Variants in GRM5 observed in about 807,000 individuals in gnomAD.
The protein encoded by GRM5 is metabotropic glutamate receptor 5.
GRM5 carries 19 observed loss-of-function variants against 83.1 expected under a neutral mutation model. The ratio of observed to expected loss-of-function variants is 0.23; its 90% CI spans 0.16 to 0.34. The LOEUF (loss-of-function observed/expected upper bound fraction) is 0.34, where lower values mean the gene tolerates loss of function less well. Ranked by LOEUF, GRM5 falls within the 10% of genes least tolerant of loss-of-function variation. The probability of loss-of-function intolerance (pLI) is 1.00; values close to 1 mark genes in which losing one functional copy is unlikely to be tolerated. For synonymous variants in GRM5, 675 were observed against 633.6 expected, an observed-to-expected ratio of 1.07 and a Z score of -0.98; for missense variants, 1,160 against 1,588.3, an observed-to-expected ratio of 0.73 and a Z score of 4.58.
intron 2 of GRM5, among the ~76,000 whole-genome samples, chr11:88,993,285 A>T (rs1228331616): frequency 1.4e-5 from 2 of 143,744 alleles, no homozygotes; most frequent in South Asian, 2.2e-4. Context: ...AAAAAAAAAG[A>T]CAAGTGTCCA....
At chr11:88,537,674 TTCTA>T (rs1942166778) in intron 8 of GRM5, among the ~76,000 whole-genome samples, 1 of 152,168 alleles carries the variant, frequency 6.6e-6, no homozygotes, top group African/African-American at 2.4e-5. Flanking sequence ...TCTCTCAACC[TTCTA>T]TCTATCTATA....
At chr11:88,977,337 T>C (rs1939375226) in intron 2 of GRM5, among the ~76,000 whole-genome samples, 1 of 152,102 alleles carries the variant, frequency 6.6e-6, no homozygotes, top group East Asian at 1.9e-4. Flanking sequence ...TTCAGCCTCC[T>C]GAGCAGCTGG....
intron 2 of GRM5, among the ~76,000 whole-genome samples, chr11:88,924,640 C>T (rs1281361485): frequency 6.6e-6 from 1 of 151,742 alleles, no homozygotes; most frequent in Admixed American, 6.6e-5. Context: ...CACTAGTTAC[C>T]AGGGACACAG....
chr11:88,739,596 TG>T (rs1941988482), intron 3 of GRM5, among the ~76,000 whole-genome samples: 1 of 152,040 alleles, frequency 6.6e-6, no homozygotes, highest in African/African-American at 2.4e-5. Context: ...GTTTGGATTA[TG>T]GGGGCGGGTT....
chr11:88,533,601 G>A (rs1457495379), intron 8 of GRM5, among the ~76,000 whole-genome samples: 4 of 152,130 alleles, frequency 2.6e-5, no homozygotes, highest in South Asian at 4.1e-4. Flanking sequence ...GTTCTGAACC[G>A]TATGCTTCAC....
chr11:88,810,630 C>T (rs971755385), intron 3 of GRM5, among the ~76,000 whole-genome samples: 4 of 151,942 alleles, frequency 2.6e-5, no homozygotes, highest in Admixed American at 2.0e-4. Flanking sequence ...TACAAACATG[C>T]AGCATAGGAG....
chr11:88,881,099 G>T (rs1459236803), intron 2 of GRM5, among the ~76,000 whole-genome samples: 1 of 151,960 alleles, frequency 6.6e-6, no homozygotes, highest in Non-Finnish European at 1.5e-5. Context: ...TATATAGTCA[G>T]GGGAAGGACA....
At chr11:88,741,609 C>T (rs1942030798) in intron 3 of GRM5, among the ~76,000 whole-genome samples, 1 of 152,086 alleles carries the variant, frequency 6.6e-6, no homozygotes, top group Non-Finnish European at 1.5e-5. Context: ...ATGACCAAGA[C>T]ATAATCTATA....
At chr11:88,645,118 A>G (rs1939403744) in intron 4 of GRM5, among the ~76,000 whole-genome samples, 1 of 152,142 alleles carries the variant, frequency 6.6e-6, no homozygotes, top group African/African-American at 2.4e-5. Flanking sequence ...TTGCCAATGT[A>G]CTTTTACATT....
chr11:88,960,319 AG>A (rs1938743959), intron 2 of GRM5, among the ~76,000 whole-genome samples: 1 of 152,196 alleles, frequency 6.6e-6, no homozygotes, highest in African/African-American at 2.4e-5. Flanking sequence ...ACTGTGTGTC[AG>A]GCTCTATTCT....
intron 2 of GRM5, among the ~76,000 whole-genome samples, chr11:89,002,897 G>C (rs932911861): frequency 6.6e-6 from 1 of 151,926 alleles, no homozygotes; most frequent in African/African-American, 2.4e-5. Context: ...GGCTCACCCA[G>C]AGAACCTTAT....
chr11:88,967,981 G>C (rs772208796), intron 2 of GRM5, among the ~76,000 whole-genome samples: 1 of 152,120 alleles, frequency 6.6e-6, no homozygotes, highest in Non-Finnish European at 1.5e-5. Flanking sequence ...GGTGAGTCAT[G>C]TTTAGGCCTT....
intron 3 of GRM5, among the ~76,000 whole-genome samples, chr11:88,794,731 G>A (rs1188697951): frequency 6.6e-6 from 1 of 152,130 alleles, no homozygotes; most frequent in Non-Finnish European, 1.5e-5. Flanking sequence ...TGATGAACGA[G>A]TGTTAAGGTG....
intron 2 of GRM5, among the ~76,000 whole-genome samples, chr11:88,987,905 G>A (rs1050047177): frequency 6.0e-5 from 9 of 150,518 alleles, no homozygotes; most frequent in African/African-American, 2.2e-4. Context: ...CCACAAAGAT[G>A]GGGAAAAAAC....
intron 2 of GRM5, among the ~76,000 whole-genome samples, chr11:88,890,996 T>G (rs1055332616): frequency 6.6e-6 from 1 of 152,238 alleles, no homozygotes; most frequent in Non-Finnish European, 1.5e-5. Context: ...TTTGATAAGA[T>G]AAAGCTACAG....
intron 1 of GRM5, among the ~76,000 whole-genome samples, chr11:89,058,464 A>G: frequency 6.6e-6 from 1 of 152,196 alleles, no homozygotes; most frequent in East Asian, 1.9e-4. Flanking sequence ...GTTGAAAAAC[A>G]CTAATTTACA....
At chr11:88,620,831 G>T (rs1938614077) in intron 4 of GRM5, among the ~76,000 whole-genome samples, 1 of 152,150 alleles carries the variant, frequency 6.6e-6, no homozygotes, top group Admixed American at 6.6e-5. Flanking sequence ...AGTGTCTCCA[G>T]TTTATTTTGT....
intron 3 of GRM5, among the ~76,000 whole-genome samples, chr11:88,776,248 G>C (rs1372402289): frequency 6.6e-6 from 1 of 152,042 alleles, no homozygotes; most frequent in East Asian, 1.9e-4. Context: ...TTTTATCATA[G>C]AATAGGATTG....
intron 2 of GRM5, among the ~76,000 whole-genome samples, chr11:88,941,920 A>T (rs1210270107): frequency 6.6e-6 from 1 of 152,022 alleles, no homozygotes; most frequent in Non-Finnish European, 1.5e-5. Context: ...AGGACAACGG[A>T]CCAGGACTTT....
Sources: allele counts gnomAD v4.1 joint callset (sites outside exome capture counted in the v4.1 genomes callset), GRCh38; gene constraint gnomAD v4.1.1; transcripts MANE v1.5; gene names NCBI Gene and HGNC (gene_info 2026-07-23, HGNC 2026-07-21).